The following ZBTB7C variants were observed in gnomAD, a reference collection of about 807,000 sequenced individuals.
The protein encoded by ZBTB7C is zinc finger and BTB domain-containing protein 7C.
ZBTB7C carries 8 observed loss-of-function variants against 25.7 expected under a neutral mutation model. That is an observed-to-expected ratio of 0.31 (90% CI 0.18 to 0.56). The LOEUF is 0.56. ZBTB7C is among the 20% of genes least tolerant of loss of function. The probability of loss-of-function intolerance (pLI) is 0.91; values close to 1 mark genes in which losing one functional copy is unlikely to be tolerated. For synonymous variants in ZBTB7C, 394 were observed against 369.0 expected (o/e 1.07, Z -0.78); for missense variants, 824 against 855.2 (o/e 0.96, Z 0.46).
At chr18:48,166,489 C>T (rs1045789975) in intron 3 of ZBTB7C, among the ~76,000 whole-genome samples, 28 of 152,184 alleles carry the variant, frequency 1.8e-4, no homozygotes, top group Non-Finnish European at 3.1e-4. Flanking sequence ...CTCCCTGCCT[C>T]CCTCCCAGGA....
chr18:48,313,051 G>A (rs1392336620), intron 2 of ZBTB7C, among the ~76,000 whole-genome samples: 1 of 152,154 alleles, frequency 6.6e-6, no homozygotes, highest in Non-Finnish European at 1.5e-5. Flanking sequence ...TCTTGCATCA[G>A]GTCCTGTTCA....
intron 2 of ZBTB7C, among the ~76,000 whole-genome samples, chr18:48,265,427 G>C (rs1423830830): frequency 6.6e-6 from 1 of 152,150 alleles, no homozygotes; most frequent in African/African-American, 2.4e-5. Context: ...TCAAGTCTTG[G>C]TTCATCTCGG....
chr18:48,221,145 T>C (rs2042942979), intron 2 of ZBTB7C, among the ~76,000 whole-genome samples: 1 of 150,614 alleles, frequency 6.6e-6, no homozygotes, highest in Non-Finnish European at 1.5e-5. Context: ...CCTATTCTCC[T>C]CTATATTGTC....
At chr18:48,240,920 A>G (rs1200256491) in intron 2 of ZBTB7C, among the ~76,000 whole-genome samples, 1 of 152,220 alleles carries the variant, frequency 6.6e-6, no homozygotes, top group East Asian at 1.9e-4. Flanking sequence ...ATGGGTAAGA[A>G]TTCACCAACC....
At chr18:48,185,797 A>T (rs1267632200) in intron 3 of ZBTB7C, 137 bp downstream of exon 3, 1 of 152,290 alleles carries the variant, frequency 6.6e-6, no homozygotes, top group Non-Finnish European at 1.5e-5. Flanking sequence ...GCTCCACCCC[A>T]AGGGAGGAAG....
chr18:48,138,056 A>G (rs1356489902), intron 3 of ZBTB7C, among the ~76,000 whole-genome samples: 1 of 152,218 alleles, frequency 6.6e-6, no homozygotes, highest in Non-Finnish European at 1.5e-5. Context: ...GAAATGGGGG[A>G]AGCGCCAGGG....
At position 48,095,828 on chromosome 18, in the gene ZBTB7C, C is replaced by T. The variant is rs139533423; in HGVS notation, c.-16-54705G>A. 4.5e-3 allele frequency among the ~76,000 whole-genome samples: 684 copies of T among 152,268 alleles called. 4 individuals are homozygous for T. Among genetic ancestry groups the T allele is most frequent in the African/African-American group, 0.015 (606 of 41,544 alleles). ...AACCCACGGCTGAGGGACAGATGGC[C>T]GTCTCCTACCCTTGATTCCCCTGAG... is the stretch of plus-strand genomic sequence containing the variant. On this transcript the variant is annotated intron_variant, in intron 3 of 4. Transcript: ENST00000590800.
At chr18:48,306,174 A>G (rs1055233395) in intron 2 of ZBTB7C, among the ~76,000 whole-genome samples, 1 of 152,220 alleles carries the variant, frequency 6.6e-6, no homozygotes, top group Non-Finnish European at 1.5e-5. Context: ...TCTGCTATGT[A>G]GACACCTCCT....
At chr18:48,307,869 A>G (rs1224217880) in intron 2 of ZBTB7C, among the ~76,000 whole-genome samples, 1 of 152,100 alleles carries the variant, frequency 6.6e-6, no homozygotes, top group Admixed American at 6.5e-5. Context: ...ATAAATAAAT[A>G]AATTGTACTT....
intron 2 of ZBTB7C, chr18:48,252,303 G>A (rs1475728455): frequency 6.6e-6 from 1 of 152,156 alleles, no homozygotes; most frequent in Non-Finnish European, 1.5e-5. Flanking sequence ...ATAGCACTAT[G>A]GAGAGAATAG....
intron 3 of ZBTB7C, among the ~76,000 whole-genome samples, chr18:48,172,432 G>C (rs117853541): frequency 2.0e-5 from 3 of 152,242 alleles, no homozygotes; most frequent in African/African-American, 7.2e-5. Flanking sequence ...GCCTGAAGCA[G>C]GTAGAAGGGT....
At chr18:48,392,710 T>C (rs914378176) in intron 1 of ZBTB7C, among the ~76,000 whole-genome samples, 2 of 152,188 alleles carry the variant, frequency 1.3e-5, no homozygotes, top group African/African-American at 2.4e-5. Context: ...CTTACTAAGA[T>C]TGCTCTGGGC....
intron 2 of ZBTB7C, among the ~76,000 whole-genome samples, chr18:48,199,615 T>C (rs555748547): frequency 1.4e-4 from 22 of 152,226 alleles, no homozygotes; most frequent in Middle Eastern, 3.4e-3. Context: ...TGTTGTTGTA[T>C]AATTGTTTCC....
At chr18:48,160,234 C>T (rs984383405) in intron 3 of ZBTB7C, among the ~76,000 whole-genome samples, 1 of 152,204 alleles carries the variant, frequency 6.6e-6, no homozygotes, top group African/African-American at 2.4e-5. Flanking sequence ...GAATCCCAAG[C>T]ACTGTGGAAG....
chr18:48,336,312 C>A (rs1452961494), intron 2 of ZBTB7C, among the ~76,000 whole-genome samples: 1 of 152,202 alleles, frequency 6.6e-6, no homozygotes, highest in Non-Finnish European at 1.5e-5. Flanking sequence ...GCCTTCCTGG[C>A]TCTCACCCCC....
chr18:48,387,337 A>C (rs1258620812), intron 1 of ZBTB7C, among the ~76,000 whole-genome samples: 1 of 152,146 alleles, frequency 6.6e-6, no homozygotes, highest in African/African-American at 2.4e-5. Flanking sequence ...AGAGGAGGAG[A>C]CCAGTAAGGA....
intron 3 of ZBTB7C, among the ~76,000 whole-genome samples, chr18:48,157,253 G>T (rs891167947): frequency 1.2e-4 from 19 of 152,168 alleles, no homozygotes; most frequent in African/African-American, 4.6e-4. Flanking sequence ...AAATAGCATA[G>T]AAATAACATA....
Position 48,029,885 on chromosome 18 carries a change from C to T in ZBTB7C, c.1235G>A (p.Arg412Gln), listed in dbSNP as rs2035670481. Residue 412 changes from arginine to glutamine, a missense_variant, in exon 5 of 5, where the codon CGG becomes CAG. Physicochemically the swap from Arg to Gln is conservative, Grantham distance 43. Coordinates refer to ENST00000590800, the MANE Select transcript of ZBTB7C (RefSeq NM_001318841.2). ...GTAGGGCCGCTCCCCTGTGTGCTTC[C>T]GCATGTGGATTTTCAGCTTGTCCTG... is the stretch of plus-strand genomic sequence containing the variant. ...TRQDKLKIHM[R>Q]KHTGERPYLC... is the part of the protein sequence containing the mutation. The T allele has an allele frequency of 1.9e-6, 3 of 1,611,514 alleles. No individual in the cohort carries two copies. Among genetic ancestry groups the T allele is most frequent in the Admixed American group, 1.7e-5 (1 of 60,010 alleles).
intron 4 of ZBTB7C, among the ~76,000 whole-genome samples, chr18:48,035,021 C>T (rs2035914176): frequency 6.6e-6 from 1 of 152,188 alleles, no homozygotes; most frequent in East Asian, 1.9e-4. Context: ...GCTACCACTG[C>T]TAATGCCATT....
Sources: gnomAD v4.1 joint callset for allele counts (sites outside exome capture counted in the v4.1 genomes callset) on GRCh38, gnomAD v4.1.1 for gene constraint, MANE v1.5 for transcripts, NCBI Gene and HGNC (gene_info 2026-07-23, HGNC 2026-07-21) for gene names.